Variants in CRTAM observed in about 807,000 individuals in gnomAD.
CRTAM encodes the protein cytotoxic and regulatory T-cell molecule.
CRTAM carries 44 observed loss-of-function variants against 50.0 expected under a neutral mutation model. The ratio of observed to expected loss-of-function variants is 0.88; its 90% confidence interval spans 0.69 to 1.13. The LOEUF (loss-of-function observed/expected upper bound fraction) is 1.13, where lower values mean the gene tolerates loss of function less well. CRTAM is among the 50% of genes most tolerant of loss of function. The probability of loss-of-function intolerance (pLI) is 0.00; values close to 1 mark genes in which losing one functional copy is unlikely to be tolerated. For missense variants in CRTAM, 448 were observed against 457.5 expected, an observed-to-expected ratio of 0.98 and a Z score of 0.19; for synonymous variants, 159 against 169.3, an observed-to-expected ratio of 0.94 and a Z score of 0.47.
At chr11:122,849,954 T>C in intron 1 of CRTAM, 114 bp from the exon 2 acceptor site, 1 of 1,054,244 alleles carries the variant, frequency 9.5e-7, no homozygotes, top group Non-Finnish European at 1.3e-6. Flanking sequence ...TATTTGCTTA[T>C]TTTTTGGTTT....
At chr11:122,850,410 A>G (rs1311363548) in intron 2 of CRTAM, among the ~76,000 whole-genome samples, 196 bp downstream of exon 2, 3 of 152,168 alleles carry the variant, frequency 2.0e-5, no homozygotes, top group Admixed American at 6.5e-5. Flanking sequence ...GGAACTGTGA[A>G]ATGGAAACCC....
intron 3 of CRTAM, among the ~76,000 whole-genome samples, chr11:122,852,185 C>T (rs1393166945): frequency 2.0e-5 from 3 of 152,162 alleles, no homozygotes; most frequent in African/African-American, 7.2e-5. Flanking sequence ...AATCTCTGCC[C>T]ATAAGGAGTT....
At chr11:122,855,172 G>T (rs919815524) in intron 4 of CRTAM, among the ~76,000 whole-genome samples, 3 of 152,166 alleles carry the variant, frequency 2.0e-5, no homozygotes, top group African/African-American at 7.2e-5. Context: ...TCGAACCCCT[G>T]ACCTCAGGTG....
intron 1 of CRTAM, among the ~76,000 whole-genome samples, chr11:122,840,618 C>T (rs1861786986): frequency 6.6e-6 from 1 of 152,180 alleles, no homozygotes; most frequent in African/African-American, 2.4e-5. Flanking sequence ...CCTAACCTTG[C>T]TCAAGCCCAT....
chr11:122,863,319 GAAAA>G (rs757331020), intron 6 of CRTAM, among the ~76,000 whole-genome samples: 1,320 of 94,402 alleles, frequency 0.014, 18 homozygotes, highest in Non-Finnish European at 0.02. Context: ...AAGAAAGAAA[GAAAA>G]AGAAAGAAAG....
intron 1 of CRTAM, among the ~76,000 whole-genome samples, chr11:122,844,000 A>C (rs1861830423): frequency 6.6e-6 from 1 of 152,222 alleles, no homozygotes; most frequent in African/African-American, 2.4e-5. Context: ...CAGACCCGTA[A>C]AGCCAAAAGC....
At chr11:122,868,220 GT>G in intron 9 of CRTAM, 121 bp downstream of exon 9, 1 of 620,324 alleles carries the variant, frequency 1.6e-6, no homozygotes. Context: ...GTGTGTGTGT[GT>G]GTGTGTGTGT....
At chr11:122,865,005 C>A (rs1862150542) in intron 7 of CRTAM, among the ~76,000 whole-genome samples, 2 of 152,082 alleles carry the variant, frequency 1.3e-5, no homozygotes, top group South Asian at 4.1e-4. Flanking sequence ...GATTTTACTT[C>A]TCCATCTTTT....
At chr11:122,840,629 C>T (rs1277585174) in intron 1 of CRTAM, among the ~76,000 whole-genome samples, 1 of 152,156 alleles carries the variant, frequency 6.6e-6, no homozygotes, top group Non-Finnish European at 1.5e-5. Context: ...TCAAGCCCAT[C>T]CCAGACGTAA....
chr11:122,853,124 C>G (rs1396282507), intron 3 of CRTAM, among the ~76,000 whole-genome samples: 1 of 150,166 alleles, frequency 6.7e-6, no homozygotes, highest in Non-Finnish European at 1.5e-5. Flanking sequence ...AGTGCAGTGG[C>G]GCAAACTCGG....
intron 9 of CRTAM, among the ~76,000 whole-genome samples, chr11:122,870,192 C>T (rs537780824): frequency 2.7e-4 from 41 of 152,142 alleles, no homozygotes; most frequent in African/African-American, 5.1e-4. Flanking sequence ...TCAGTCCTCC[C>T]GCCTCAGCCT....
intron 5 of CRTAM, among the ~76,000 whole-genome samples, chr11:122,861,418 ATATTTTTTTTTTTTTTTTTT>A (rs1862080372): frequency 4.7e-5 from 1 of 21,214 alleles, no homozygotes; most frequent in Non-Finnish European, 7.7e-5. Context: ...ATATATATAT[ATATTTTTTTTTTTTTTTTTT>A]TTTTTTTTTT....
intron 5 of CRTAM, among the ~76,000 whole-genome samples, chr11:122,859,244 C>A (rs1280226927): frequency 6.6e-6 from 1 of 152,038 alleles, no homozygotes; most frequent in East Asian, 1.9e-4. Flanking sequence ...GAGTAGCTGG[C>A]ATTACAGGCT....
intron 1 of CRTAM, among the ~76,000 whole-genome samples, chr11:122,846,963 TTGAC>T (rs1350650167): frequency 1.3e-5 from 2 of 152,214 alleles, no homozygotes; most frequent in African/African-American, 2.4e-5. Context: ...GCTTTGTCTT[TTGAC>T]ACTGACTCTT....
intron 4 of CRTAM, 86 bp downstream of exon 4, chr11:122,854,172 G>A: frequency 1.1e-5 from 15 of 1,308,908 alleles, no homozygotes; most frequent in Admixed American, 2.2e-5. Flanking sequence ...TCTAGTGGCA[G>A]ACAATGCCAG....
intron 1 of CRTAM, among the ~76,000 whole-genome samples, chr11:122,844,092 T>C (rs1377489963): frequency 6.6e-6 from 1 of 152,216 alleles, no homozygotes; most frequent in Admixed American, 6.5e-5. Flanking sequence ...CTCAGGCCTC[T>C]ACAGTGTGGT....
intron 1 of CRTAM, among the ~76,000 whole-genome samples, chr11:122,843,532 G>A (rs1441316217): frequency 1.3e-5 from 2 of 152,174 alleles, no homozygotes; most frequent in Non-Finnish European, 2.9e-5. Context: ...TAAGAACTCT[G>A]AAGCTCAGAT....
At chr11:122,846,229 A>G (rs925381252) in intron 1 of CRTAM, among the ~76,000 whole-genome samples, 2 of 152,222 alleles carry the variant, frequency 1.3e-5, no homozygotes, top group African/African-American at 2.4e-5. Context: ...TGAGAAACAC[A>G]TATGCAAATA....
At chr11:122,869,411 T>A (rs775434353) in intron 9 of CRTAM, among the ~76,000 whole-genome samples, 2 of 152,348 alleles carry the variant, frequency 1.3e-5, no homozygotes, top group Middle Eastern at 3.4e-3. Context: ...GCTCAATTAA[T>A]TCAAGAAGGC....
Sources: gnomAD v4.1 joint callset for allele counts (sites outside exome capture counted in the v4.1 genomes callset) on GRCh38, gnomAD v4.1.1 for gene constraint, MANE v1.5 for transcripts, NCBI Gene and HGNC (gene_info 2026-07-23, HGNC 2026-07-21) for gene names.